Variants in RBM25 observed in about 807,000 individuals in gnomAD.
RBM25 encodes RNA binding motif protein 25.
RBM25 carries 19 observed loss-of-function variants against 120.7 expected under a neutral mutation model. The ratio of observed to expected loss-of-function variants is 0.16; its 90% CI spans 0.11 to 0.23. The LOEUF is 0.23. RBM25 is among the 10% of genes least tolerant of loss of function. The pLI, the probability that RBM25 is intolerant of heterozygous loss-of-function variation, is 1.00. For synonymous variants in RBM25, 390 were observed against 326.7 expected (o/e 1.19, Z -2.09); for missense variants, 605 against 1,041.5 (o/e 0.58, Z 5.77).
intron 1 of RBM25, among the ~76,000 whole-genome samples, chr14:73,066,463 C>A (rs1238858538): frequency 6.6e-6 from 1 of 151,966 alleles, no homozygotes; most frequent in Non-Finnish European, 1.5e-5. Context: ...ATGGTGAAAC[C>A]CCGTCTCTAC....
intron 4 of RBM25, among the ~76,000 whole-genome samples, chr14:73,083,022 G>A (rs915728658): frequency 6.6e-6 from 1 of 152,160 alleles, no homozygotes; most frequent in African/African-American, 2.4e-5. Context: ...AGAGGTTGCA[G>A]TGACCCAAGA....
intron 6 of RBM25, among the ~76,000 whole-genome samples, chr14:73,090,379 C>G (rs914095009): frequency 6.6e-6 from 1 of 152,120 alleles, no homozygotes; most frequent in Non-Finnish European, 1.5e-5. Context: ...GGATGACATT[C>G]AAGGCTCACT....
chr14:73,109,441 G>A lies in RBM25; in HGVS notation c.1641G>A (p.Arg547=). Residue 547 remains arginine, a synonymous_variant, in exon 14 of 19, where the codon AGG becomes AGA. Coordinates refer to ENST00000261973, the MANE Select transcript of RBM25 (RefSeq NM_021239.3). Reference sequence around the variant, plus strand: ...AGAAGGAGGAGCTTGAGGAAATCAGGCAGCGCCTTCTGGCAGAAGGGCATC... The same window carrying A: ...AGAAGGAGGAGCTTGAGGAAATCAGACAGCGCCTTCTGGCAGAAGGGCATC... ...KREKEELEEI[R]QRLLAEGHPD... 6.2e-7 allele frequency: 1 copy of A among 1,614,130 alleles called. No homozygotes were observed. The highest frequency in any genetic ancestry group is 1.7e-5 in the Admixed American group (1 of 60,022).
intron 2 of RBM25, among the ~76,000 whole-genome samples, chr14:73,073,426 G>GCCT: frequency 6.6e-6 from 1 of 152,294 alleles, no homozygotes; most frequent in African/African-American, 2.4e-5. Context: ...AGTGGCTCAC[G>GCCT]CCTGTAACCT....
intron 3 of RBM25, 100 bp from the exon 4 acceptor site, chr14:73,077,269 G>A (rs1421761290): frequency 9.7e-7 from 1 of 1,028,792 alleles, no homozygotes; most frequent in African/African-American, 1.6e-5. Flanking sequence ...TAAATAATGT[G>A]CTATATATAT....
At chr14:73,103,980 ACACACACACACACACTCTCT>A (rs1566597528) in intron 10 of RBM25, among the ~76,000 whole-genome samples, 16 of 136,658 alleles carry the variant, frequency 1.2e-4, no homozygotes, top group Non-Finnish European at 1.6e-4. Flanking sequence ...ACACACACAC[ACACACACACACACACTCTCT>A]CTCTCTCTCT....
intron 6 of RBM25, among the ~76,000 whole-genome samples, chr14:73,094,825 GTGTGTGTGTGTGTGTGTC>G (rs1180631143): frequency 2.7e-4 from 36 of 134,674 alleles, no homozygotes; most frequent in Admixed American, 4.3e-4. Context: ...GTGTGTGTGT[GTGTGTGTGTGTGTGTGTC>G]TGTGTGTGTG....
chr14:73,071,596 A>G (rs2140427381), intron 1 of RBM25, 31 bp from the exon 2 acceptor site: 1 of 1,448,724 alleles, frequency 6.9e-7, no homozygotes, highest in Non-Finnish European at 9.6e-7. Context: ...GTTTTCAAAT[A>G]AAATGATTTG....
intron 10 of RBM25, among the ~76,000 whole-genome samples, chr14:73,104,964 T>C (rs1896148534): frequency 6.6e-6 from 1 of 151,786 alleles, no homozygotes; most frequent in Admixed American, 6.6e-5. Context: ...GAGGTTGGTA[T>C]GTGTAAAATC....
chr14:73,103,203 A>G lies in RBM25; in HGVS notation c.879A>G (p.Glu293=). ...KFRDTHKKLE[E]EKGKKEKERQ... The stretch of plus-strand genomic sequence containing the variant: ...TTATTGGTTTCTAGAAACTGGAAGA[A>G]GAGAAAGGCAAAAAGGAAAAAGAAA... The change falls in exon 10 of 19, where the codon GAA becomes GAG. Residue 293 remains glutamate (E), a synonymous_variant. Coordinates refer to ENST00000261973, the MANE Select transcript of RBM25 (RefSeq NM_021239.3). 1 of 1,608,044 alleles carries G rather than the reference A, an allele frequency of 6.2e-7. No homozygotes were observed. The highest frequency in any genetic ancestry group is 8.5e-7 in the Non-Finnish European group (1 of 1,178,678).
rs538268899 is a variant in RBM25 at position 73,112,152 on chromosome 14, A to T, written c.2293A>T (p.Ile765Leu). The T allele has an allele frequency of 1.3e-6, 2 of 1,599,830 alleles. No homozygotes were observed. The highest frequency in any genetic ancestry group is 1.1e-5 in the South Asian group (1 of 87,288). The part of the protein sequence containing the change: ...YPLDWSIVDS[I>L]LMERRIRPWI... The stretch of plus-strand genomic sequence containing the variant: ...TCAGTAACCGTGGTTTGTTTTGCAG[A>T]TACTGATGGAACGTCGAATTAGACC... The change falls in exon 17 of 19, where the codon ATA (isoleucine) becomes TTA (leucine). Residue 765 changes from isoleucine to leucine, a missense_variant and splice_region_variant. By Grantham distance (5) the Ile-to-Leu change is conservative. Coordinates refer to ENST00000261973, the MANE Select transcript of RBM25 (RefSeq NM_021239.3).
At chr14:73,117,124 A>G (rs1411342453) in intron 18 of RBM25, among the ~76,000 whole-genome samples, 1 of 151,822 alleles carries the variant, frequency 6.6e-6, no homozygotes, top group African/African-American at 2.4e-5. Context: ...TGGCTCATAG[A>G]AATCTGATCA....
chr14:73,093,936 T>C (rs368508521), intron 6 of RBM25, among the ~76,000 whole-genome samples: 2 of 150,058 alleles, frequency 1.3e-5, no homozygotes, highest in Admixed American at 6.7e-5. Flanking sequence ...TCATCTACCA[T>C]GATCAGGTTT....
chr14:73,097,131 T>C lies in RBM25; in HGVS notation c.729+31T>C, dbSNP rs372308616. ...TGTTCTGACAACAACATATCATTTCTACCGTTTGTTTTTTATGATATCACT... is the reference window on the plus strand; with the variant it reads ...TGTTCTGACAACAACATATCATTTCCACCGTTTGTTTTTTATGATATCACT... On this transcript the variant is annotated intron_variant, in intron 7 of 18. Transcript: ENST00000261973. The C allele has an allele frequency of 1.2e-3, 1,886 of 1,528,380 alleles. 3 individuals are homozygous for C. The highest frequency in any genetic ancestry group is 2.9e-3 in the Admixed American group (131 of 44,902). 94.7% of individuals were successfully genotyped at this position (1,528,380 alleles called of 1,614,324 possible). A position where few individuals can be genotyped will look rare whatever the true frequency, so the allele number is the denominator to read the frequency against.
chr14:73,121,926 G>GT lies in RBM25; in HGVS notation c.*2124dup, dbSNP rs1479233798. The GT allele has an allele frequency of 2.0e-5, 3 of 151,568 alleles. No individual in the cohort carries two copies. The highest frequency in any genetic ancestry group is 2.1e-4 in the South Asian group (1 of 4,830). 9.4% of individuals were successfully genotyped at this position (151,568 alleles called of 1,614,324 possible). On this transcript the variant is annotated 3_prime_UTR_variant, in exon 19 of 19. Coordinates refer to ENST00000261973, the MANE Select transcript of RBM25 (RefSeq NM_021239.3). ...AATTTGTGCAAGTTCATATATTAAA[G>GT]TTTCTGCAGCAGAGTGAAAATTGTT...
intron 2 of RBM25, among the ~76,000 whole-genome samples, chr14:73,072,286 T>TA (rs541163191): frequency 1.1e-3 from 160 of 150,302 alleles, no homozygotes; most frequent in Middle Eastern, 3.4e-3. Flanking sequence ...ATTCTATATT[T>TA]AAAAAAAATG....
At chr14:73,060,965 C>A (rs1428708798) in intron 1 of RBM25, among the ~76,000 whole-genome samples, 1 of 149,902 alleles carries the variant, frequency 6.7e-6, no homozygotes, top group African/African-American at 2.4e-5. Context: ...AACAACAGTA[C>A]GACAATCAAA....
rs536989806 is a variant in RBM25, at chr14:73,098,902, C to T, written c.730-478C>T. ...CGTGATCCGCGTGAGCCACCGTGCCCGACCCATAACTTTTCTAAGGAGGTG... is the reference window on the plus strand; with the variant it reads ...CGTGATCCGCGTGAGCCACCGTGCCTGACCCATAACTTTTCTAAGGAGGTG... On this transcript the variant is annotated intron_variant, in intron 7 of 18. Coordinates refer to ENST00000261973, the MANE Select transcript of RBM25 (RefSeq NM_021239.3). Among the ~76,000 whole-genome samples the T allele has an allele frequency of 3.9e-5, 6 of 152,228 alleles. No individual in the cohort carries two copies. In the South Asian group the frequency reaches 6.2e-4, roughly 16 times the overall value.
rs1488382531 is a variant in RBM25, at chr14:73,111,580, T to C, written c.2070T>C (p.Pro690=). The C allele has an allele frequency of 1.2e-6, 2 of 1,613,828 alleles. No homozygotes were observed. The highest frequency in any genetic ancestry group is 2.2e-5 in the East Asian group (1 of 44,878). The change falls in exon 16 of 19, where the codon CCT becomes CCC. Residue 690 remains proline, a synonymous_variant. Transcript: ENST00000261973. ...ATTCTGTGAAGAGAAAGAAACTACC[T>C]GTAGATAGTGTCTTTAACAAATTTG... is the stretch of plus-strand genomic sequence containing the variant. ...QPNSVKRKKL[P]VDSVFNKFED...
Sources: allele counts gnomAD v4.1 joint callset (sites outside exome capture counted in the v4.1 genomes callset), GRCh38; gene constraint gnomAD v4.1.1; transcripts MANE v1.5; gene names NCBI Gene and HGNC (gene_info 2026-07-23, HGNC 2026-07-21).